Variants in KIF3B observed in about 807,000 individuals in gnomAD.
The protein encoded by KIF3B is kinesin-like protein KIF3B.
Under a neutral mutation model 74.3 loss-of-function variants are expected in KIF3B, and 38 were observed. The ratio of observed to expected loss-of-function variants is 0.51; its 90% confidence interval spans 0.39 to 0.67. The LOEUF (loss-of-function observed/expected upper bound fraction) is 0.67. KIF3B is among the 30% of genes least tolerant of loss of function. KIF3B has a pLI of 0.00. For missense variants in KIF3B, 649 were observed against 932.0 expected (o/e 0.70, Z 3.95); for synonymous variants, 326 against 342.5 (o/e 0.95, Z 0.53).
chr20:32,319,543 C>CAT (rs1555896430), intron 5 of KIF3B, among the ~76,000 whole-genome samples: 1 of 142,728 alleles, frequency 7.0e-6, no homozygotes, highest in East Asian at 2.1e-4. Flanking sequence ...CACACACACA[C>CAT]ATATGTGTAT....
At position 32,283,227 on chromosome 20, in the gene KIF3B, C is replaced by T. The variant is rs148629814; in HGVS notation, c.-66+5462C>T. Among the ~76,000 whole-genome samples, 1,331 of 152,076 alleles carry T rather than the reference C, an allele frequency of 8.8e-3. 16 individuals carry two copies. Among genetic ancestry groups the T allele is most frequent in the Non-Finnish European group, 0.012 (805 of 67,988 alleles). On this transcript the variant is annotated intron_variant, in intron 1 of 8. Coordinates refer to ENST00000375712, the MANE Select transcript of KIF3B (RefSeq NM_004798.4). Reference sequence around the variant, plus strand: ...AATTTAAAAAAAAATGTTTTGGGGACGGGTGTGGTGGCTTATGCCTGTAAT... The same window carrying T: ...AATTTAAAAAAAAATGTTTTGGGGATGGGTGTGGTGGCTTATGCCTGTAAT...
At chr20:32,322,278 T>C (rs1404299730) in intron 5 of KIF3B, among the ~76,000 whole-genome samples, 2 of 152,010 alleles carry the variant, frequency 1.3e-5, no homozygotes, top group African/African-American at 4.8e-5. Context: ...ATGACATTGT[T>C]TTCTTAATTT....
chr20:32,298,710 TCACTCTGG>T (rs573619583), intron 1 of KIF3B, among the ~76,000 whole-genome samples: 48 of 150,174 alleles, frequency 3.2e-4, no homozygotes, highest in African/African-American at 9.5e-4. Context: ...AGACAGGGTC[TCACTCTGG>T]AGTGCAGTGG....
At chr20:32,295,350 TG>T (rs1166055314) in intron 1 of KIF3B, among the ~76,000 whole-genome samples, 4 of 151,780 alleles carry the variant, frequency 2.6e-5, no homozygotes, top group African/African-American at 9.7e-5. Context: ...TGGAGTGCAG[TG>T]GTGCGATCTC....
At chr20:32,323,042 A>ATT (rs1454169302) in intron 5 of KIF3B, among the ~76,000 whole-genome samples, 1 of 98,082 alleles carries the variant, frequency 1.0e-5, no homozygotes, top group Non-Finnish European at 1.7e-5. Flanking sequence ...ATATATTTAT[A>ATT]TTTATATATA....
At chr20:32,322,702 ATATATT>A (rs2047869670) in intron 5 of KIF3B, among the ~76,000 whole-genome samples, 3 of 68,522 alleles carry the variant, frequency 4.4e-5, no homozygotes, top group Admixed American at 2.7e-4. Flanking sequence ...ATATATATTT[ATATATT>A]TATATATATT....
intron 5 of KIF3B, among the ~76,000 whole-genome samples, chr20:32,323,199 T>C (rs1039949341): frequency 7.4e-6 from 1 of 135,324 alleles, no homozygotes; most frequent in East Asian, 2.0e-4. Context: ...TTTATATTTA[T>C]ATATAATTGA....
chr20:32,282,394 G>A (rs2047647191), intron 1 of KIF3B, among the ~76,000 whole-genome samples: 1 of 152,092 alleles, frequency 6.6e-6, no homozygotes, highest in African/African-American at 2.4e-5. Flanking sequence ...GCCCTATGAG[G>A]AAGAATTATT....
rs1040078598 is a variant in KIF3B, at chr20:32,334,194, C to T, written c.*2875C>T. The T allele has an allele frequency of 6.5e-6, 1 of 152,680 alleles. No individual in the cohort carries two copies. The highest frequency in any genetic ancestry group is 1.5e-5 in the Non-Finnish European group (1 of 68,120). The allele number at this position is 152,680 out of a possible 1,614,324, so 9.5% of individuals were successfully genotyped here. A position where few individuals can be genotyped will look rare whatever the true frequency, so the allele number is the denominator to read the frequency against. ...AACCCCCAATAGACCCCCTTTTACTCTGATCTGGAGAATGTATCTGGCTTC... is the reference window on the plus strand; with the variant it reads ...AACCCCCAATAGACCCCCTTTTACTTTGATCTGGAGAATGTATCTGGCTTC... On this transcript the variant is annotated 3_prime_UTR_variant, in exon 9 of 9. Coordinates refer to ENST00000375712, the MANE Select transcript of KIF3B (RefSeq NM_004798.4).
rs1164604181 is a variant in KIF3B at position 32,325,655 on chromosome 20, C to CTT, written c.1749-1087_1749-1086dup. ...TTCATTATTATCTCTCTCTCTCTCT[C>CTT]TTTTTTTTTTTTTTTTTTTTTTTTT... is the stretch of plus-strand genomic sequence containing the variant. On this transcript the variant is annotated intron_variant, in intron 5 of 8. Transcript: ENST00000375712. 9.4e-3 allele frequency among the ~76,000 whole-genome samples: 478 copies of CTT among 51,118 alleles called. 9 individuals carry two copies. Among genetic ancestry groups the CTT allele is most frequent in the Non-Finnish European group, 0.014 (378 of 26,910 alleles). 33.5% of individuals were successfully genotyped at this position (51,118 alleles called of 152,430 possible). A position where few individuals can be genotyped will look rare whatever the true frequency, so the allele number is the denominator to read the frequency against.
At chr20:32,308,902 A>T (rs1247967237) in intron 1 of KIF3B, among the ~76,000 whole-genome samples, 1 of 151,220 alleles carries the variant, frequency 6.6e-6, no homozygotes, top group Non-Finnish European at 1.5e-5. Context: ...TATTTAGTAG[A>T]GATGGGGTTT....
intron 1 of KIF3B, among the ~76,000 whole-genome samples, chr20:32,287,230 G>A (rs2047671176): frequency 6.6e-6 from 1 of 152,042 alleles, no homozygotes; most frequent in Non-Finnish European, 1.5e-5. Context: ...TGCTCAGGCT[G>A]GTCTCAAACT....
intron 1 of KIF3B, among the ~76,000 whole-genome samples, chr20:32,286,193 T>C (rs1335589582): frequency 6.6e-6 from 1 of 152,210 alleles, no homozygotes; most frequent in Non-Finnish European, 1.5e-5. Flanking sequence ...GCTTGGGACT[T>C]AACCACTCTG....
At chr20:32,301,722 A>G (rs2047745266) in intron 1 of KIF3B, among the ~76,000 whole-genome samples, 2 of 152,308 alleles carry the variant, frequency 1.3e-5, no homozygotes, top group South Asian at 2.1e-4. Flanking sequence ...TGTTTTAGAT[A>G]GAATGTAACC....
Position 32,316,766 on chromosome 20 carries a change from A to G in KIF3B, c.1640A>G (p.Lys547Arg). Reference protein sequence around the residue: ...KTKKLKKLFSKLQAVKAEIHD... With the variant: ...KTKKLKKLFSRLQAVKAEIHD... ...CTCCCCTCATTCCAGCTCTTCTCCA[A>G]GCTTCAGGCAGTGAAGGCTGAGATC... The change falls in exon 5 of 9, where the codon AAG (lysine) becomes AGG (arginine). Residue 547 changes from lysine (K) to arginine (R), a missense_variant. Physicochemically the swap from Lys to Arg is conservative, Grantham distance 26 (BLOSUM62 2). Coordinates refer to ENST00000375712, the MANE Select transcript of KIF3B (RefSeq NM_004798.4). 6.2e-7 allele frequency: 1 copy of G among 1,614,034 alleles called. No homozygotes were observed. Among genetic ancestry groups the G allele is most frequent in the South Asian group, 1.1e-5 (1 of 91,076 alleles).
chr20:32,311,119 A>C lies in KIF3B; in HGVS notation c.1342A>C (p.Lys448Gln). The change falls in exon 2 of 9, where the codon AAA becomes CAA. Residue 448 changes from lysine to glutamine, a missense_variant. Around this residue, in one of 4 missense-constraint regions of KIF3B, gnomAD observed 363 missense variants for 592.8 expected, o/e 0.61. Transcript: ENST00000375712. The part of the protein sequence containing the change: ...EKMRLLKEKE[K>Q]KMEDLRREKD... ...GATGAGGCTGCTGAAGGAGAAAGAGAAAAAGATGGAGGACCTGCGGCGGGA... is the reference window on the plus strand; with the variant it reads ...GATGAGGCTGCTGAAGGAGAAAGAGCAAAAGATGGAGGACCTGCGGCGGGA... The C allele has an allele frequency of 6.2e-7, 1 of 1,613,702 alleles. No individual in the cohort carries two copies. Among genetic ancestry groups the C allele is most frequent in the Non-Finnish European group, 8.5e-7 (1 of 1,179,922 alleles).
At chr20:32,290,711 AAATAAT>A (rs573903767) in intron 1 of KIF3B, among the ~76,000 whole-genome samples, 1 of 151,834 alleles carries the variant, frequency 6.6e-6, no homozygotes. Flanking sequence ...TTTCTATAAC[AAATAAT>A]AATAATAATA....
At position 32,333,747 on chromosome 20, in the gene KIF3B, G is replaced by A. The variant is rs1411789154; in HGVS notation, c.*2428G>A. On this transcript the variant is annotated 3_prime_UTR_variant, in exon 9 of 9. Coordinates refer to ENST00000375712, the MANE Select transcript of KIF3B (RefSeq NM_004798.4). ...CTCTTCTGACCAAGGGTGGTTAAGTGACACATAGAACTTTTCTAAGAGAAG... is the reference window on the plus strand; with the variant it reads ...CTCTTCTGACCAAGGGTGGTTAAGTAACACATAGAACTTTTCTAAGAGAAG... 1.3e-5 allele frequency: 2 copies of A among 151,806 alleles called. No individual in the cohort carries two copies. The highest frequency in any genetic ancestry group is 3.9e-4 in the East Asian group (2 of 5,160). 9.4% of individuals were successfully genotyped at this position (151,806 alleles called of 1,614,324 possible). A position where few individuals can be genotyped will look rare whatever the true frequency, so the allele number is the denominator to read the frequency against.
rs747205340 is a variant in KIF3B at position 32,311,121 on chromosome 20, A to G, written c.1344A>G (p.Lys448=). 2 of 1,613,650 alleles carry G rather than the reference A, an allele frequency of 1.2e-6. No individual in the cohort carries two copies. The highest frequency in any genetic ancestry group is 8.5e-7 in the Non-Finnish European group (1 of 1,179,924). Residue 448 remains lysine (K), a synonymous_variant, in exon 2 of 9, where the codon AAA becomes AAG. Coordinates refer to ENST00000375712, the MANE Select transcript of KIF3B (RefSeq NM_004798.4). ...EKMRLLKEKE[K]KMEDLRREKD... is the part of the protein sequence containing the mutation. ...TGAGGCTGCTGAAGGAGAAAGAGAA[A>G]AAGATGGAGGACCTGCGGCGGGAGA... is the stretch of plus-strand genomic sequence containing the variant.
Sources: allele counts gnomAD v4.1 joint callset (sites outside exome capture counted in the v4.1 genomes callset), GRCh38; gene constraint gnomAD v4.1.1; regional missense constraint gnomAD v4.1.1; transcripts MANE v1.5; gene names NCBI Gene and HGNC (gene_info 2026-07-23, HGNC 2026-07-21).